The following ATG2B variants were observed in gnomAD, a reference collection of about 807,000 sequenced individuals.
ATG2B encodes autophagy related 2B.
In ATG2B, 121 loss-of-function variants were observed where a neutral mutation model predicts 241.3. That is an observed-to-expected ratio of 0.50 (90% CI 0.43 to 0.58). The LOEUF is 0.58. Among genes scored for constraint, ATG2B ranks in the 20% least tolerant of loss-of-function variants. The pLI is 0.00. For missense variants in ATG2B, 2,306 were observed against 2,491.6 expected, an observed-to-expected ratio of 0.93 and a Z score of 1.59; for synonymous variants, 858 against 876.6, an observed-to-expected ratio of 0.98 and a Z score of 0.37.
intron 29 of ATG2B, among the ~76,000 whole-genome samples, chr14:96,308,268 A>ATATATATATATACG (rs1887044016): frequency 6.5e-5 from 1 of 15,348 alleles, no homozygotes; most frequent in Non-Finnish European, 1.4e-4. Context: ...ATATATATAT[A>ATATATATATATACG]TATATATATA....
chr14:96,292,070 T>C lies in ATG2B; in HGVS notation c.5455A>G (p.Ile1819Val). ...REFRFTSEVP[I>V]RLDYHGKHVS... ...TGTTTGCCATGATAATCAAGTCGAA[T>C]GGGAACTTCTGACGTGAATCTAAAT... Residue 1819 changes from isoleucine (I) to valine (V), a missense_variant, in exon 37 of 42, where the codon ATT becomes GTT. Ile to Val is a conservative substitution (Grantham distance 29, BLOSUM62 3). Transcript: ENST00000359933. 4 of 1,598,146 alleles carry C rather than the reference T, an allele frequency of 2.5e-6. No homozygotes were observed. Among genetic ancestry groups the C allele is most frequent in the Non-Finnish European group, 2.6e-6 (3 of 1,172,044 alleles).
Position 96,322,146 on chromosome 14 carries a change from G to C in ATG2B, c.2845C>G (p.Pro949Ala), listed in dbSNP as rs1160184726. Reference sequence around the variant, plus strand: ...AGCTTCTCATAAAAGCTCTTATTAGGTAGTGTTACATAAATATTTGGTAAC... The same window carrying C: ...AGCTTCTCATAAAAGCTCTTATTAGCTAGTGTTACATAAATATTTGGTAAC... ...LTLPNIYVTL[P>A]NKSFYEKLYN... The change falls in exon 18 of 42, where the codon CCT (proline) becomes GCT (alanine). Residue 949 changes from proline to alanine, a missense_variant. Around this residue, in one of 2 missense-constraint regions of ATG2B, gnomAD observed 1,927 missense variants for 2,011.2 expected, o/e 0.96. Coordinates refer to ENST00000359933, the MANE Select transcript of ATG2B (RefSeq NM_018036.7). 5.1e-6 allele frequency: 8 copies of C among 1,563,484 alleles called. 1 individual carries two copies. The highest frequency in any genetic ancestry group is 6.9e-6 in the Non-Finnish European group (8 of 1,161,582).
chr14:96,358,195 G>C (rs565249142), intron 1 of ATG2B, among the ~76,000 whole-genome samples: 11 of 152,316 alleles, frequency 7.2e-5, no homozygotes, highest in East Asian at 1.9e-4. Flanking sequence ...AGAAACTGGG[G>C]GGGGCTGAGG....
intron 8 of ATG2B, 52 bp from the exon 9 acceptor site, chr14:96,332,707 C>A (rs1209375246): frequency 7.0e-7 from 1 of 1,421,246 alleles, no homozygotes; most frequent in Non-Finnish European, 9.4e-7. Flanking sequence ...CAATTCAAGT[C>A]TTTTAAGTAA....
chr14:96,310,057 G>C (rs943195914), intron 28 of ATG2B, among the ~76,000 whole-genome samples: 19 of 152,122 alleles, frequency 1.2e-4, no homozygotes, highest in African/African-American at 4.6e-4. Flanking sequence ...GTGATTCAGA[G>C]CTCAGTTCCA....
Position 96,296,219 on chromosome 14 carries a change from AT to A in ATG2B, c.5140-660del, listed in dbSNP as rs534473987. Among the ~76,000 whole-genome samples, 43 of 152,302 alleles carry A rather than the reference AT, an allele frequency of 2.8e-4. No individual in the cohort carries two copies. The South Asian group carries it at 8.5e-3, about 30-fold the overall frequency. Reference sequence around the variant, plus strand: ...TTAACTTCTGCTTTTCATACATTATATTGCCTTAATACATTTCATCATTGAA... The same window carrying A: ...TTAACTTCTGCTTTTCATACATTATATGCCTTAATACATTTCATCATTGAA... On this transcript the variant is annotated intron_variant, in intron 34 of 41. Transcript: ENST00000359933.
At position 96,289,501 on chromosome 14, in the gene ATG2B, C is replaced by G. The variant is rs962770372; in HGVS notation, c.6006+155G>C. 2 of 868,374 alleles carry G rather than the reference C, an allele frequency of 2.3e-6. No homozygotes were observed. Among genetic ancestry groups the G allele is most frequent in the Admixed American group, 2.4e-5 (1 of 42,118 alleles). 53.8% of individuals were successfully genotyped at this position (868,374 alleles called of 1,614,324 possible). ...GTCCCAGACTGGCCCTTTTCCATCA[C>G]CTCACACAGATATGGGCACATGTTA... On this transcript the variant is annotated intron_variant, in intron 41 of 41. Transcript: ENST00000359933. This position sits in a 1 kb window ranked among gnomAD's most constrained non-coding sequence, Gnocchi z 4.3.
chr14:96,307,731 C>T (rs1460947928), intron 29 of ATG2B, among the ~76,000 whole-genome samples: 5 of 151,996 alleles, frequency 3.3e-5, no homozygotes, highest in African/African-American at 1.2e-4. Context: ...CATTAGGTGG[C>T]AGAGGAGGCA....
intron 6 of ATG2B, among the ~76,000 whole-genome samples, chr14:96,340,111 A>C (rs546133760): frequency 1.3e-3 from 31 of 23,368 alleles, no homozygotes; most frequent in East Asian, 8.7e-3. Flanking sequence ...AGAATATATG[A>C]TATATATGAA....
chr14:96,337,830 T>C (rs1887906052), intron 6 of ATG2B, among the ~76,000 whole-genome samples: 1 of 152,164 alleles, frequency 6.6e-6, no homozygotes, highest in Non-Finnish European at 1.5e-5. Context: ...GGTATTTTGA[T>C]GGGAATTGCA....
At chr14:96,313,039 G>C in intron 25 of ATG2B, 26 bp downstream of exon 25, 1 of 1,398,186 alleles carries the variant, frequency 7.2e-7, no homozygotes, top group Middle Eastern at 1.8e-4. Context: ...GCTTTGTTTA[G>C]TATACAATGA....
At chr14:96,304,379 C>G (rs552640054) in intron 32 of ATG2B, 116 bp downstream of exon 32, 53 of 668,318 alleles carry the variant, frequency 7.9e-5, no homozygotes, top group African/African-American at 3.9e-4. Context: ...GATCCTTGCA[C>G]TTTTCCAATC....
At chr14:96,328,020 G>A (rs891772380) in intron 14 of ATG2B, among the ~76,000 whole-genome samples, 27 of 152,112 alleles carry the variant, frequency 1.8e-4, no homozygotes, top group African/African-American at 6.5e-4. Context: ...GTTTCGCCAT[G>A]TTGGCCAGGC....
At chr14:96,334,603 T>C in intron 6 of ATG2B, 102 bp from the exon 7 acceptor site, 1 of 620,336 alleles carries the variant, frequency 1.6e-6, no homozygotes, top group Non-Finnish European at 2.7e-6. Context: ...ACTGAGTCTT[T>C]AGTCTTGGAG....
At chr14:96,292,762 G>C (rs537357595) in intron 36 of ATG2B, among the ~76,000 whole-genome samples, 4 of 152,186 alleles carry the variant, frequency 2.6e-5, no homozygotes, top group African/African-American at 7.2e-5. Flanking sequence ...TATAGGGAAC[G>C]GTGTGAGAAT....
Position 96,358,533 on chromosome 14 carries a change from T to C in ATG2B, c.162+4282A>G, listed in dbSNP as rs1013876176. 8.5e-5 allele frequency among the ~76,000 whole-genome samples: 13 copies of C among 152,214 alleles called. No individual in the cohort carries two copies. The South Asian group carries it at 1.2e-3, about 15-fold the overall frequency. ...TGCACCACTAAGCTACAAAATAATT[T>C]CCCTAAGTATAAGATGTTTAAATAG... On this transcript the variant is annotated intron_variant, in intron 1 of 41. Coordinates refer to ENST00000359933, the MANE Select transcript of ATG2B (RefSeq NM_018036.7).
Position 96,322,556 on chromosome 14 carries a change from A to G in ATG2B, c.2720T>C (p.Met907Thr). ...APSPFSSRRV[M>T]FENEQMVMPG... The stretch of plus-strand genomic sequence containing the variant: ...CACTTTTACCTGTTCATTTTCAAAC[A>G]TTACTCTACGAGAAGAAAAAGGAGA... The change falls in exon 17 of 42, where the codon ATG becomes ACG. Residue 907 changes from methionine to threonine, a missense_variant. Coordinates refer to ENST00000359933, the MANE Select transcript of ATG2B (RefSeq NM_018036.7). The G allele has an allele frequency of 1.2e-6, 2 of 1,611,792 alleles. No individual in the cohort carries two copies. Among genetic ancestry groups the G allele is most frequent in the Non-Finnish European group, 1.7e-6 (2 of 1,179,396 alleles).
rs775118544 is a variant in ATG2B at position 96,322,147 on chromosome 14, T to C, written c.2844A>G (p.Leu948=). The change falls in exon 18 of 42, where the codon CTA becomes CTG. Residue 948 remains leucine (L), a synonymous_variant. Transcript: ENST00000359933. ...GCTTCTCATAAAAGCTCTTATTAGG[T>C]AGTGTTACATAAATATTTGGTAACG... The part of the protein sequence containing the change: ...ELTLPNIYVT[L]PNKSFYEKLY... 6.4e-7 allele frequency: 1 copy of C among 1,564,668 alleles called. No individual in the cohort carries two copies. The highest frequency in any genetic ancestry group is 2.1e-5 in the Admixed American group (1 of 47,278).
At position 96,362,780 on chromosome 14, in the gene ATG2B, C is replaced by G. The variant is rs761189085; in HGVS notation, c.162+35G>C. The G allele has an allele frequency of 1.8e-5, 29 of 1,579,388 alleles. No individual in the cohort carries two copies. In the South Asian group the frequency reaches 2.7e-4, roughly 15 times the overall value. On this transcript the variant is annotated intron_variant, in intron 1 of 41. Coordinates refer to ENST00000359933, the MANE Select transcript of ATG2B (RefSeq NM_018036.7). The stretch of plus-strand genomic sequence containing the variant: ...GTTCAAAGCGCCCTAAAGAGGGGAG[C>G]GAGCCCCGCCCGGCTCGCCGCCGGC...
Sources: gnomAD v4.1 joint callset for allele counts (sites outside exome capture counted in the v4.1 genomes callset) on GRCh38, gnomAD v4.1.1 for gene constraint, gnomAD v4.1.1 regional missense constraint, Gnocchi (gnomAD v3.1) non-coding constraint, MANE v1.5 for transcripts, NCBI Gene and HGNC (gene_info 2026-07-23, HGNC 2026-07-21) for gene names.